Variants in AUTS2 observed in about 807,000 individuals in gnomAD.
AUTS2 encodes activator of transcription and developmental regulator AUTS2.
A neutral mutation model predicts 112.4 loss-of-function variants in AUTS2; 17 were observed. The ratio of observed to expected loss-of-function variants is 0.15; its 90% CI spans 0.10 to 0.23. AUTS2 has a LOEUF of 0.23. Among genes scored for constraint, AUTS2 ranks in the 10% least tolerant of loss-of-function variants. AUTS2 has a pLI of 1.00. For synonymous variants in AUTS2, 751 were observed against 702.7 expected, an observed-to-expected ratio of 1.07 and a Z score of -1.09; for missense variants, 1,510 against 1,701.6, an observed-to-expected ratio of 0.89 and a Z score of 1.98.
chr7:70,669,690 C>T (rs1395859095), intron 5 of AUTS2, among the ~76,000 whole-genome samples: 1 of 152,180 alleles, frequency 6.6e-6, no homozygotes, highest in African/African-American at 2.4e-5. Flanking sequence ...AGAGTTAGTC[C>T]ATTTCTTGTC....
At chr7:70,762,546 G>A (rs1432511577) in intron 6 of AUTS2, among the ~76,000 whole-genome samples, 1 of 152,254 alleles carries the variant, frequency 6.6e-6, no homozygotes, top group Non-Finnish European at 1.5e-5. Context: ...GAGATTACAG[G>A]TGTGAGCCCC....
At chr7:70,634,558 C>T (rs1805438097) in intron 5 of AUTS2, among the ~76,000 whole-genome samples, 1 of 152,166 alleles carries the variant, frequency 6.6e-6, no homozygotes, top group South Asian at 2.1e-4. Context: ...GTTGGCCTGG[C>T]TCCGTCACCT....
At chr7:70,242,755 CTTAAAGTACAG>C (rs1320515951) in intron 4 of AUTS2, among the ~76,000 whole-genome samples, 1 of 152,102 alleles carries the variant, frequency 6.6e-6, no homozygotes, top group Non-Finnish European at 1.5e-5. Context: ...GTGAGTGTAT[CTTAAAGTACAG>C]TTTTCAAAAC....
chr7:70,733,002 A>G (rs1054631056), intron 6 of AUTS2, among the ~76,000 whole-genome samples: 1 of 152,118 alleles, frequency 6.6e-6, no homozygotes, highest in African/African-American at 2.4e-5. Flanking sequence ...ATCTTATGCT[A>G]TTTCCACAGG....
rs144930996 is a variant in AUTS2, at chr7:70,297,938, G to A, written c.661-137814G>A. Among the ~76,000 whole-genome samples the A allele has an allele frequency of 8.6e-3, 1,308 of 152,224 alleles. 12 individuals carry two copies. The highest frequency in any genetic ancestry group is 0.02 in the Middle Eastern group (6 of 294). ...TAAATCACAGTGGATGGGAGAGCTC[G>A]GAATTGAGGGTAGAACCTCCTTTGC... On this transcript the variant is annotated intron_variant, in intron 4 of 18. Transcript: ENST00000342771.
chr7:70,743,166 TTG>T (rs1344642686), intron 6 of AUTS2, among the ~76,000 whole-genome samples: 1 of 152,106 alleles, frequency 6.6e-6, no homozygotes, highest in Admixed American at 6.5e-5. Flanking sequence ...TGTTTTATTT[TTG>T]TTTCTTTAAG....
intron 4 of AUTS2, among the ~76,000 whole-genome samples, chr7:70,150,894 A>G (rs1807396943): frequency 6.6e-6 from 1 of 152,244 alleles, no homozygotes; most frequent in Admixed American, 6.5e-5. Context: ...AGAAACAACC[A>G]AAACAAAAGA....
chr7:70,336,530 C>T (rs928755187), intron 4 of AUTS2, among the ~76,000 whole-genome samples: 8 of 152,114 alleles, frequency 5.3e-5, no homozygotes, highest in Admixed American at 2.0e-4. Flanking sequence ...ACTTTGCTGA[C>T]GGCAGTGGTA....
At chr7:70,384,185 G>A (rs1468717019) in intron 4 of AUTS2, among the ~76,000 whole-genome samples, 8 of 152,152 alleles carry the variant, frequency 5.3e-5, no homozygotes, top group Non-Finnish European at 7.3e-5. Context: ...GTGTTCCATG[G>A]CTCTGCCATT....
intron 2 of AUTS2, among the ~76,000 whole-genome samples, chr7:70,058,921 C>T (rs1802116108): frequency 6.6e-6 from 1 of 152,066 alleles, no homozygotes; most frequent in South Asian, 2.1e-4. Flanking sequence ...TCCTCCCTAC[C>T]CCCACCATAC....
chr7:69,856,810 G>T (rs1037119854), intron 1 of AUTS2, among the ~76,000 whole-genome samples: 1 of 152,104 alleles, frequency 6.6e-6, no homozygotes, highest in Non-Finnish European at 1.5e-5. Context: ...TTGGATCAGC[G>T]GATTCAGTGC....
At chr7:69,705,043 T>C (rs954273684) in intron 1 of AUTS2, among the ~76,000 whole-genome samples, 2 of 152,168 alleles carry the variant, frequency 1.3e-5, no homozygotes, top group Non-Finnish European at 2.9e-5. Flanking sequence ...ATTTTTGTAC[T>C]TTTTGTAGAG....
rs559566604 is a variant in AUTS2 at position 70,661,247 on chromosome 7, G to A, written c.691-37322G>A. ...AGAAACACAAACTCTCCCTGGCGGCGTCTGAGGCCATCTTCTTCAGGAAGG... is the reference window on the plus strand; with the variant it reads ...AGAAACACAAACTCTCCCTGGCGGCATCTGAGGCCATCTTCTTCAGGAAGG... On this transcript the variant is annotated intron_variant, in intron 5 of 18. Transcript: ENST00000342771. 1.3e-3 allele frequency among the ~76,000 whole-genome samples: 194 copies of A among 152,220 alleles called. 1 individual carries two copies. Among genetic ancestry groups the A allele is most frequent in the African/African-American group, 4.4e-3 (184 of 41,502 alleles).
intron 2 of AUTS2, among the ~76,000 whole-genome samples, chr7:70,034,691 C>A (rs1204001788): frequency 6.6e-6 from 1 of 152,098 alleles, no homozygotes; most frequent in Admixed American, 6.6e-5. Flanking sequence ...TTACAAATGA[C>A]AGGATTGCAA....
At chr7:70,730,232 T>TTTTG (rs35216857) in intron 6 of AUTS2, among the ~76,000 whole-genome samples, 32,847 of 151,136 alleles carry the variant, frequency 0.22, 4,435 homozygotes, top group East Asian at 0.57. Flanking sequence ...TTTTTTTGTT[T>TTTTG]TTTGTTTGTT....
At chr7:69,740,627 A>C (rs544889750) in intron 1 of AUTS2, among the ~76,000 whole-genome samples, 5 of 151,958 alleles carry the variant, frequency 3.3e-5, no homozygotes, top group Admixed American at 3.3e-4. Flanking sequence ...GGGTTCAAGG[A>C]ATTCTCCTGC....
chr7:70,407,260 CAA>C (rs1182910944), intron 4 of AUTS2, among the ~76,000 whole-genome samples: 8 of 152,196 alleles, frequency 5.3e-5, no homozygotes, highest in Admixed American at 5.2e-4. Context: ...TCTCTCCCCT[CAA>C]ACCAAATGCA....
chr7:69,821,676 A>G (rs989061455), intron 1 of AUTS2, among the ~76,000 whole-genome samples: 4 of 152,090 alleles, frequency 2.6e-5, no homozygotes, highest in Non-Finnish European at 5.9e-5. Context: ...CCACCGGGAA[A>G]AACAAACAAC....
intron 4 of AUTS2, among the ~76,000 whole-genome samples, chr7:70,167,703 C>G (rs1246176490): frequency 6.6e-6 from 1 of 152,148 alleles, no homozygotes; most frequent in African/African-American, 2.4e-5. Context: ...TGAAATGATG[C>G]AAATTATGTT....
Sources: allele counts gnomAD v4.1 joint callset (sites outside exome capture counted in the v4.1 genomes callset), GRCh38; gene constraint gnomAD v4.1.1; transcripts MANE v1.5; gene names NCBI Gene and HGNC (gene_info 2026-07-23, HGNC 2026-07-21).